The following ANK2 variants were observed in gnomAD, a reference collection of about 807,000 sequenced individuals.
The protein encoded by ANK2 is ankyrin-2.
Under a neutral mutation model 360.5 loss-of-function variants are expected in ANK2, and 83 were observed. The observed-to-expected ratio is 0.23, with a 90% CI of 0.19 to 0.28. ANK2 has a LOEUF of 0.28. Among genes scored for constraint, ANK2 ranks in the 10% least tolerant of loss-of-function variants. The pLI, the probability that ANK2 is intolerant of heterozygous loss-of-function variation, is 1.00. For missense variants in ANK2, 4,201 were observed against 4,795.7 expected (o/e 0.88, Z 3.66); for synonymous variants, 1,740 against 1,759.5 (o/e 0.99, Z 0.28).
chr4:112,938,867 A>G (rs116721175), intron 2 of ANK2, among the ~76,000 whole-genome samples: 1,767 of 152,322 alleles, frequency 0.012, 33 homozygotes, highest in African/African-American at 0.04. Context: ...ATGAAGGTAA[A>G]AATTTTTCTG....
At chr4:113,040,107 C>G (rs2062591237) in intron 2 of ANK2, among the ~76,000 whole-genome samples, 1 of 151,956 alleles carries the variant, frequency 6.6e-6, no homozygotes, top group African/African-American at 2.4e-5. Context: ...CCAATTATAA[C>G]AGCTATTTTC....
chr4:112,915,769 T>A (rs115215335), intron 2 of ANK2, among the ~76,000 whole-genome samples: 13,800 of 146,778 alleles, frequency 0.094, 1,146 homozygotes, highest in African/African-American at 0.23. Flanking sequence ...AAAAAATAAA[T>A]AAATAAATAA....
chr4:112,937,108 G>C (rs964102514), intron 2 of ANK2, among the ~76,000 whole-genome samples: 2 of 151,806 alleles, frequency 1.3e-5, no homozygotes, highest in Non-Finnish European at 2.9e-5. Flanking sequence ...TAGTTTTTAA[G>C]CACTTTTAAA....
chr4:113,258,337 G>T lies in ANK2; in HGVS notation c.1312G>T (p.Ala438Ser), dbSNP rs770948093. ...GTCTGGCCTCACACCAATACATGTGGCTGCCTTCATGGGCCACTTGAACAT... is the reference window on the plus strand; with the variant it reads ...GTCTGGCCTCACACCAATACATGTGTCTGCCTTCATGGGCCACTTGAACAT... ...TESGLTPIHV[A>S]AFMGHLNIVL... The change falls in exon 13 of 46, where the codon GCT becomes TCT. Residue 438 changes from alanine to serine, a missense_variant. Transcript: ENST00000357077. 2.5e-6 allele frequency: 4 copies of T among 1,614,070 alleles called. No individual in the cohort carries two copies. Among genetic ancestry groups the T allele is most frequent in the Non-Finnish European group, 3.4e-6 (4 of 1,180,010 alleles).
intron 1 of ANK2, among the ~76,000 whole-genome samples, chr4:113,103,512 T>C (rs2093220110): frequency 6.6e-6 from 1 of 152,140 alleles, no homozygotes; most frequent in Admixed American, 6.6e-5. Flanking sequence ...TTAATGGCAA[T>C]TTTTGAAAGT....
At chr4:112,957,419 T>C (rs2154257421) in intron 2 of ANK2, among the ~76,000 whole-genome samples, 2 of 152,370 alleles carry the variant, frequency 1.3e-5, no homozygotes, top group South Asian at 4.1e-4. Context: ...TACTTCTTTC[T>C]ACACATACAC....
At chr4:113,281,630 A>G (rs918212611) in intron 17 of ANK2, among the ~76,000 whole-genome samples, 1 of 152,192 alleles carries the variant, frequency 6.6e-6, no homozygotes, top group Admixed American at 6.5e-5. Flanking sequence ...ACTGAAGGGA[A>G]AAGCCACTGT....
chr4:112,830,847 G>A (rs535303458), intron 1 of ANK2, among the ~76,000 whole-genome samples: 44 of 152,272 alleles, frequency 2.9e-4, no homozygotes, highest in African/African-American at 1.0e-3. Context: ...CATGGCACTC[G>A]CAGGCCAGCA....
At chr4:112,717,338 A>G in the ANK2 span, among the ~76,000 whole-genome samples, 2 of 152,074 alleles carry the variant, frequency 1.3e-5, no homozygotes, top group African/African-American at 4.8e-5. Context: ...CTATTTTCCT[A>G]CAAGTTTTAT....
intron 2 of ANK2, among the ~76,000 whole-genome samples, chr4:113,186,686 T>C (rs1239367573): frequency 6.6e-6 from 1 of 152,034 alleles, no homozygotes; most frequent in African/African-American, 2.4e-5. Context: ...TTTCAAGGCC[T>C]CTTCTCTTAT....
At chr4:113,298,935 T>C (rs976017873) in intron 22 of ANK2, among the ~76,000 whole-genome samples, 2 of 152,218 alleles carry the variant, frequency 1.3e-5, no homozygotes, top group Non-Finnish European at 2.9e-5. Flanking sequence ...CTACTTATTT[T>C]CCATCCATTC....
chr4:113,034,888 G>A (rs538866631), intron 2 of ANK2: 8 of 152,016 alleles, frequency 5.3e-5, no homozygotes, highest in Non-Finnish European at 1.2e-4. Context: ...ATAATGATTA[G>A]ATATAATTGA....
intron 2 of ANK2, among the ~76,000 whole-genome samples, chr4:112,914,373 T>C (rs1411987578): frequency 6.6e-6 from 1 of 152,080 alleles, no homozygotes; most frequent in African/African-American, 2.4e-5. Flanking sequence ...GTAATCCCCG[T>C]ACTTTGGGAG....
intron 1 of ANK2, among the ~76,000 whole-genome samples, chr4:113,107,409 G>T (rs2093762282): frequency 6.6e-6 from 1 of 152,116 alleles, no homozygotes; most frequent in South Asian, 2.1e-4. Context: ...TAGAGATGGG[G>T]TTTTGCCATG....
At chr4:113,271,093 C>A (rs2153677417) in intron 14 of ANK2, among the ~76,000 whole-genome samples, 1 of 152,288 alleles carries the variant, frequency 6.6e-6, no homozygotes, top group Non-Finnish European at 1.5e-5. Context: ...AAAAAGATTT[C>A]TCCTCTGATT....
the ANK2 span, among the ~76,000 whole-genome samples, chr4:112,738,292 A>G: frequency 6.6e-6 from 1 of 152,054 alleles, no homozygotes; most frequent in Non-Finnish European, 1.5e-5. Context: ...GGCACCTGCA[A>G]TCCAAGCTAC....
rs1382509585 is a variant in ANK2, at chr4:113,237,082, G to A, written c.579G>A (p.Leu193=). The change falls in exon 6 of 46, where the codon CTG becomes CTA. Residue 193 remains leucine (L), a synonymous_variant. Coordinates refer to ENST00000357077, the MANE Select transcript of ANK2 (RefSeq NM_001148.6). The stretch of plus-strand genomic sequence containing the variant: ...ATGACACCAAAGGGAAAGTGAGGCT[G>A]CCAGCTCTGCATATTGCCGCTAGGA... ...LENDTKGKVR[L]PALHIAARKD... 1 of 1,614,054 alleles carries A rather than the reference G, an allele frequency of 6.2e-7. No homozygotes were observed. Among genetic ancestry groups the A allele is most frequent in the African/African-American group, 1.3e-5 (1 of 74,934 alleles).
chr4:112,782,117 C>T, the ANK2 span, among the ~76,000 whole-genome samples: 22 of 152,050 alleles, frequency 1.4e-4, no homozygotes, highest in East Asian at 9.6e-4. Context: ...CGTGAGCCAC[C>T]GCGCCCAGCC....
intron 2 of ANK2, among the ~76,000 whole-genome samples, chr4:113,030,077 A>G (rs946801841): frequency 7.2e-5 from 11 of 152,146 alleles, no homozygotes; most frequent in Non-Finnish European, 1.6e-4. Flanking sequence ...TACTATGTGA[A>G]TTATAAATAC....
Sources: allele counts gnomAD v4.1 joint callset (sites outside exome capture counted in the v4.1 genomes callset), GRCh38; gene constraint gnomAD v4.1.1; transcripts MANE v1.5; gene names NCBI Gene and HGNC (gene_info 2026-07-23, HGNC 2026-07-21).